TRAF4: variants seen among roughly 807,000 people sequenced by gnomAD.
The protein encoded by TRAF4 is TNF receptor-associated factor 4.
Under a neutral mutation model 47.3 loss-of-function variants are expected in TRAF4, and 9 were observed. The ratio of observed to expected loss-of-function variants is 0.19; its 90% confidence interval spans 0.11 to 0.33. The LOEUF (loss-of-function observed/expected upper bound fraction) is 0.33, where lower values mean the gene tolerates loss of function less well. Among genes scored for constraint, TRAF4 ranks in the 10% least tolerant of loss-of-function variants. TRAF4 has a pLI of 1.00. For missense variants in TRAF4, 448 were observed against 620.3 expected (o/e 0.72, Z 2.95); for synonymous variants, 236 against 236.9 (o/e 1.00, Z 0.04).
Position 28,746,881 on chromosome 17 carries a change from G to C in TRAF4, c.144-332G>C, listed in dbSNP as rs35893948. 5.7e-3 allele frequency: 1,411 copies of C among 245,846 alleles called. 22 individuals carry two copies. Among genetic ancestry groups the C allele is most frequent in the African/African-American group, 0.029 (1,305 of 44,688 alleles). 15.2% of individuals were successfully genotyped at this position (245,846 alleles called of 1,614,324 possible). On this transcript the variant is annotated intron_variant, in intron 1 of 6. Transcript: ENST00000262395. ...GCGCAGCCAATGAAAACTAACCTAG[G>C]GGGAGGGGGTGACTGTGCAGCGTGT...
At position 28,749,023 on chromosome 17, in the gene TRAF4, C is replaced by T. The variant is rs770231122; in HGVS notation, c.859C>T (p.Arg287Trp). 7 of 1,613,712 alleles carry T rather than the reference C, an allele frequency of 4.3e-6. No individual in the cohort carries two copies. Among genetic ancestry groups the T allele is most frequent in the South Asian group, 2.2e-5 (2 of 91,088 alleles). Residue 287 changes from arginine to tryptophan, a missense_variant, in exon 7 of 7, where the codon CGG becomes TGG. Coordinates refer to ENST00000262395, the MANE Select transcript of TRAF4 (RefSeq NM_004295.4). ...GGCCATGATGTGTGCCCTGGTGAGC[C>T]GGCAACGGCAGGAGCTGCAGGAGCT... ...HLAMMCALVS[R>W]QRQELQELRR... is the part of the protein sequence containing the mutation.
intron 5 of TRAF4, 25 bp downstream of exon 5, chr17:28,748,448 T>A (rs752882880): frequency 6.2e-7 from 1 of 1,606,262 alleles, no homozygotes; most frequent in South Asian, 1.1e-5. Context: ...GAACTGTGGG[T>A]TGCAGGGTAG....
chr17:28,748,782 G>A, intron 6 of TRAF4, 116 bp downstream of exon 6: 1 of 1,505,286 alleles, frequency 6.6e-7, no homozygotes, highest in Non-Finnish European at 8.8e-7. Flanking sequence ...GAAACCCTCA[G>A]TCCTTCCCTC....
At chr17:28,746,197 C>T (rs1278683212) in intron 1 of TRAF4, among the ~76,000 whole-genome samples, 1 of 152,268 alleles carries the variant, frequency 6.6e-6, no homozygotes, top group Non-Finnish European at 1.5e-5. Flanking sequence ...TCCCTGCCTG[C>T]CTTCCACCTA....
intron 1 of TRAF4, 23 bp from the exon 2 acceptor site, chr17:28,747,190 T>C: frequency 6.2e-7 from 1 of 1,612,112 alleles, no homozygotes; most frequent in Non-Finnish European, 8.5e-7. Flanking sequence ...AGAAACCTTT[T>C]TCCTGCCCCT....
At chr17:28,747,381 C>T (rs773034062) in intron 2 of TRAF4, 117 bp downstream of exon 2, 37 of 1,286,768 alleles carry the variant, frequency 2.9e-5, no homozygotes, top group Non-Finnish European at 3.8e-5. Flanking sequence ...GGATGGTGCG[C>T]CTCCACAAAG....
At chr17:28,748,229 C>T (rs1202633055) in intron 4 of TRAF4, 33 bp from the exon 5 acceptor site, 8 of 1,612,478 alleles carry the variant, frequency 5.0e-6, no homozygotes, top group East Asian at 2.2e-5. Flanking sequence ...ATGGCCTAGG[C>T]ATCTCTTAAC....
rs775581074 is a variant in TRAF4 at position 28,747,881 on chromosome 17, C to T, written c.234C>T (p.Gly78=). 4.3e-6 allele frequency: 7 copies of T among 1,613,926 alleles called. No homozygotes were observed. The highest frequency in any genetic ancestry group is 5.9e-6 in the Non-Finnish European group (7 of 1,179,994). Residue 78 remains glycine, a synonymous_variant, in exon 3 of 7, where the codon GGC becomes GGT. Transcript: ENST00000262395. ...CGGAGCTGGAAGTACAAGTATTGGG[C>T]CTGCCTATCCGCTGCATCCACAGTG... ...PDPELEVQVL[G]LPIRCIHSEE... is the part of the protein sequence containing the mutation.
intron 2 of TRAF4, chr17:28,747,547 G>C (rs11574760): frequency 0.5 from 290,131 of 577,310 alleles, 78,308 homozygotes; most frequent in Non-Finnish European, 0.56. Flanking sequence ...ACCTGTGGCT[G>C]AGGGCCAGTA....
At chr17:28,748,822 C>T (rs1355388713) in intron 6 of TRAF4, 123 bp from the exon 7 acceptor site, 15 of 1,476,420 alleles carry the variant, frequency 1.0e-5, no homozygotes, top group African/African-American at 5.6e-5. Flanking sequence ...TTCCTAACAC[C>T]CTCTGTCTTC....
At chr17:28,746,573 G>A (rs1399973385) in intron 1 of TRAF4, among the ~76,000 whole-genome samples, 1 of 152,226 alleles carries the variant, frequency 6.6e-6, no homozygotes, top group African/African-American at 2.4e-5. Context: ...ATAGCCAGGT[G>A]CTGCTTCACC....
chr17:28,750,558 GCTTT>G lies in TRAF4; in HGVS notation c.*984_*987del, dbSNP rs1567769028. On this transcript the variant is annotated 3_prime_UTR_variant, in exon 7 of 7. Transcript: ENST00000262395. Reference sequence around the variant, plus strand: ...GGCCCAGAGTAAGTGCTTAGTGAATGCTTTCTAACTCCGAACCCCAGCCACATCC... The same window carrying G: ...GGCCCAGAGTAAGTGCTTAGTGAATGCTAACTCCGAACCCCAGCCACATCC... The G allele has an allele frequency of 6.6e-6, 1 of 152,220 alleles. No homozygotes were observed. Among genetic ancestry groups the G allele is most frequent in the African/African-American group, 2.4e-5 (1 of 41,466 alleles). 9.4% of individuals were successfully genotyped at this position (152,220 alleles called of 1,614,324 possible).
chr17:28,749,952 T>G lies in TRAF4; in HGVS notation c.*375T>G. Reference sequence around the variant, plus strand: ...GAGGGAGAAAGGGTAGTTCAAAGAGTCTGTCTTGAGATCTGATTTTTTCCC... The same window carrying G: ...GAGGGAGAAAGGGTAGTTCAAAGAGGCTGTCTTGAGATCTGATTTTTTCCC... On this transcript the variant is annotated 3_prime_UTR_variant, in exon 7 of 7. Coordinates refer to ENST00000262395, the MANE Select transcript of TRAF4 (RefSeq NM_004295.4). The G allele has an allele frequency of 2.9e-6, 2 of 688,918 alleles. No homozygotes were observed. The highest frequency in any genetic ancestry group is 5.3e-6 in the Non-Finnish European group (2 of 376,674). The allele number at this position is 688,918 out of a possible 1,614,324, so 42.7% of individuals were successfully genotyped here. A position where few individuals can be genotyped will look rare whatever the true frequency, so the allele number is the denominator to read the frequency against.
In TRAF4 at chr17:28,748,129, G is replaced by A. The variant is rs749137956; in HGVS notation, c.413G>A (p.Arg138His). ...TTGCAGCATGACTGCCCCAAGCGGC[G>A]CCTCAAGTGCGAGTTTTGTGGCTGT... ...AHLQHDCPKR[R>H]LKCEFCGCDF... The change falls in exon 4 of 7, where the codon CGC (arginine) becomes CAC (histidine). Residue 138 changes from arginine (R) to histidine (H), a missense_variant. By Grantham distance (29) the Arg-to-His change is conservative. Transcript: ENST00000262395. 5.6e-6 allele frequency: 9 copies of A among 1,613,972 alleles called. No individual in the cohort carries two copies. The highest frequency in any genetic ancestry group is 3.3e-5 in the South Asian group (3 of 91,084).
In TRAF4 at chr17:28,749,660, C is replaced by T; in HGVS notation, c.*83C>T. 1 of 1,575,596 alleles carries T rather than the reference C, an allele frequency of 6.3e-7. No individual in the cohort carries two copies. Among genetic ancestry groups the T allele is most frequent in the Non-Finnish European group, 8.6e-7 (1 of 1,160,674 alleles). ...CTGAACTTGGAGAGGGGGCCGGACC[C>T]CCGTCAGCTGCTTCTGCTGCCTAGG... On this transcript the variant is annotated 3_prime_UTR_variant, in exon 7 of 7. Coordinates refer to ENST00000262395, the MANE Select transcript of TRAF4 (RefSeq NM_004295.4).
intron 1 of TRAF4, 140 bp from the exon 2 acceptor site, chr17:28,747,073 C>T: frequency 1.2e-6 from 1 of 836,344 alleles, no homozygotes; most frequent in Non-Finnish European, 1.8e-6. Flanking sequence ...CCCCTCAGGC[C>T]TCTGCTTGCC....
Position 28,748,438 on chromosome 17 carries a change from G to A in TRAF4, c.624+15G>A. 6.2e-7 allele frequency: 1 copy of A among 1,606,578 alleles called. No homozygotes were observed. The highest frequency in any genetic ancestry group is 1.7e-5 in the Admixed American group (1 of 59,774). ...ACACCATCCAGGTGAGGCCTTCCCT[G>A]AACTGTGGGTTGCAGGGTAGGTGAC... On this transcript the variant is annotated intron_variant, in intron 5 of 6. Coordinates refer to ENST00000262395, the MANE Select transcript of TRAF4 (RefSeq NM_004295.4).
Position 28,749,923 on chromosome 17 carries a change from T to C in TRAF4, c.*346T>C, listed in dbSNP as rs1376678505. 2.9e-6 allele frequency: 2 copies of C among 698,736 alleles called. No homozygotes were observed. The highest frequency in any genetic ancestry group is 5.2e-6 in the Non-Finnish European group (2 of 383,286). 43.3% of individuals were successfully genotyped at this position (698,736 alleles called of 1,614,324 possible). ...CCAAGAGCCATAAGGGGGTGGGAAT[T>C]GGGGAGGGAGAAAGGGTAGTTCAAA... is the stretch of plus-strand genomic sequence containing the variant. On this transcript the variant is annotated 3_prime_UTR_variant, in exon 7 of 7. Transcript: ENST00000262395.
At chr17:28,745,300 G>A (rs1368112979) in intron 1 of TRAF4, 1 of 152,576 alleles carries the variant, frequency 6.6e-6, no homozygotes, top group Non-Finnish European at 1.5e-5. Flanking sequence ...CCACAGCCTG[G>A]GCCGGCTCCT....
Sources: allele counts gnomAD v4.1 joint callset (sites outside exome capture counted in the v4.1 genomes callset), GRCh38; gene constraint gnomAD v4.1.1; transcripts MANE v1.5; gene names NCBI Gene and HGNC (gene_info 2026-07-23, HGNC 2026-07-21).